Variants in PLD5 observed in about 807,000 individuals in gnomAD.
The protein encoded by PLD5 is inactive phospholipase D5.
PLD5 carries 36 observed loss-of-function variants against 61.1 expected under a neutral mutation model. The observed-to-expected ratio is 0.59, with a 90% CI of 0.45 to 0.78. The LOEUF is 0.78. PLD5 is among the 30% of genes least tolerant of loss of function. The pLI is 0.00. For missense variants in PLD5, 515 were observed against 644.4 expected (o/e 0.80, Z 2.17); for synonymous variants, 243 against 242.8 (o/e 1.00, Z -0.01).
At chr1:242,211,641 C>A (rs1669829409) in intron 5 of PLD5, among the ~76,000 whole-genome samples, 1 of 152,172 alleles carries the variant, frequency 6.6e-6, no homozygotes, top group South Asian at 2.1e-4. Flanking sequence ...ATCCGTCATG[C>A]AGCTGAGGTC....
intron 2 of PLD5, among the ~76,000 whole-genome samples, chr1:242,319,036 G>C (rs1399762207): frequency 6.6e-6 from 1 of 152,048 alleles, no homozygotes; most frequent in Admixed American, 6.6e-5. Flanking sequence ...GCAGAATTGG[G>C]GCAGGAGGGG....
At chr1:242,232,748 T>G (rs1276183447) in intron 4 of PLD5, among the ~76,000 whole-genome samples, 2 of 151,938 alleles carry the variant, frequency 1.3e-5, no homozygotes, top group Non-Finnish European at 2.9e-5. Flanking sequence ...GAAGCTGAGG[T>G]AGGAGACTTA....
Position 242,294,667 on chromosome 1 carries a change from C to T in PLD5, c.327-6137G>A, listed in dbSNP as rs540263569. Among the ~76,000 whole-genome samples the T allele has an allele frequency of 7.2e-5, 11 of 152,288 alleles. No individual in the cohort carries two copies. The East Asian group carries it at 2.1e-3, about 29-fold the overall frequency. The stretch of plus-strand genomic sequence containing the variant: ...ACTAACCTCTTTCAATCTGTTCCCA[C>T]TTCTGAGCAGAAAAAAGGTTATTAC... On this transcript the variant is annotated intron_variant, in intron 2 of 9. Transcript: ENST00000536534.
At chr1:242,464,378 C>T (rs904896203) in intron 1 of PLD5, among the ~76,000 whole-genome samples, 6 of 152,174 alleles carry the variant, frequency 3.9e-5, no homozygotes, top group South Asian at 2.1e-4. Flanking sequence ...CCAAACTCAA[C>T]GCTGATCATC....
intron 5 of PLD5, among the ~76,000 whole-genome samples, chr1:242,213,724 G>T (rs1010481772): frequency 6.6e-6 from 1 of 150,840 alleles, no homozygotes; most frequent in Non-Finnish European, 1.5e-5. Flanking sequence ...TGAGAAAATA[G>T]AACAAGCCAC....
At chr1:242,091,049 G>A (rs756397804) in intron 9 of PLD5, among the ~76,000 whole-genome samples, 8 of 151,976 alleles carry the variant, frequency 5.3e-5, no homozygotes, top group African/African-American at 1.5e-4. Context: ...CACTGTGCCC[G>A]ACATCTCTAT....
intron 1 of PLD5, among the ~76,000 whole-genome samples, chr1:242,427,655 C>T (rs976737044): frequency 6.6e-6 from 1 of 152,186 alleles, no homozygotes; most frequent in Non-Finnish European, 1.5e-5. Context: ...TCCTTTTTAA[C>T]GTATTTATTC....
At chr1:242,417,730 G>A (rs1382307526) in intron 1 of PLD5, among the ~76,000 whole-genome samples, 3 of 152,222 alleles carry the variant, frequency 2.0e-5, no homozygotes, top group Non-Finnish European at 2.9e-5. Context: ...AGGTCCTGCT[G>A]TGGGAATGTT....
chr1:242,372,855 G>A (rs186898961), intron 1 of PLD5, among the ~76,000 whole-genome samples: 14,130 of 152,100 alleles, frequency 0.093, 695 homozygotes, highest in African/African-American at 0.12. Flanking sequence ...AGAAAACCTA[G>A]GCAATACCAT....
In PLD5 at chr1:242,085,999, A is replaced by C. The variant is rs1235532458; in HGVS notation, c.*3855T>G. On this transcript the variant is annotated 3_prime_UTR_variant, in exon 10 of 10. Transcript: ENST00000536534. ...GAATTTAGTTCAATAAAAGTTCCTA[A>C]AAACAAACAGAATGAATCAGAGTCA... 6.6e-6 allele frequency: 1 copy of C among 152,238 alleles called. No individual in the cohort carries two copies. Among genetic ancestry groups the C allele is most frequent in the Non-Finnish European group, 1.5e-5 (1 of 68,054 alleles). 9.4% of individuals were successfully genotyped at this position (152,238 alleles called of 1,614,324 possible).
intron 4 of PLD5, among the ~76,000 whole-genome samples, chr1:242,226,388 G>T (rs569327512): frequency 6.6e-6 from 1 of 152,256 alleles, no homozygotes; most frequent in African/African-American, 2.4e-5. Flanking sequence ...TTTCGGCCCC[G>T]CAGTCTACTT....
At chr1:242,168,953 A>G (rs967492423) in intron 5 of PLD5, among the ~76,000 whole-genome samples, 4 of 149,920 alleles carry the variant, frequency 2.7e-5, no homozygotes, top group African/African-American at 9.8e-5. Context: ...GGGAGAAGAG[A>G]GAAGGCCCTA....
intron 5 of PLD5, among the ~76,000 whole-genome samples, chr1:242,197,612 C>T (rs760035143): frequency 4.0e-5 from 6 of 151,646 alleles, no homozygotes; most frequent in Non-Finnish European, 7.4e-5. Flanking sequence ...TGACTTTCCC[C>T]TGATCTGAAT....
chr1:242,139,414 C>T (rs2148784517), intron 5 of PLD5, among the ~76,000 whole-genome samples: 1 of 152,248 alleles, frequency 6.6e-6, no homozygotes, highest in South Asian at 2.1e-4. Context: ...GTGCATTTCA[C>T]ACCCCATGGC....
intron 9 of PLD5, among the ~76,000 whole-genome samples, chr1:242,099,690 C>T (rs1660538037): frequency 6.6e-6 from 1 of 152,128 alleles, no homozygotes; most frequent in Non-Finnish European, 1.5e-5. Flanking sequence ...GCTGCCCTCC[C>T]TATTGGTGAT....
intron 2 of PLD5, among the ~76,000 whole-genome samples, chr1:242,289,818 T>TAATTATA (rs1392610047): frequency 6.6e-6 from 1 of 152,132 alleles, no homozygotes; most frequent in East Asian, 1.9e-4. Flanking sequence ...ATTCAGCACT[T>TAATTATA]CTCAATAAAA....
At chr1:242,399,204 C>A (rs1464754149) in intron 1 of PLD5, among the ~76,000 whole-genome samples, 1 of 152,190 alleles carries the variant, frequency 6.6e-6, no homozygotes, top group African/African-American at 2.4e-5. Context: ...GTATTCTACA[C>A]ATAGTAGGGG....
At chr1:242,507,589 A>G (rs1668768226) in intron 1 of PLD5, among the ~76,000 whole-genome samples, 1 of 152,212 alleles carries the variant, frequency 6.6e-6, no homozygotes, top group Admixed American at 6.5e-5. Context: ...GGATAAATCA[A>G]TCGACCAAAT....
In PLD5 at chr1:242,256,543, G is replaced by A. The variant is rs1261044768; in HGVS notation, c.607+8794C>T. Among the ~76,000 whole-genome samples, 11 of 152,270 alleles carry A rather than the reference G, an allele frequency of 7.2e-5. No individual in the cohort carries two copies. The highest frequency in any genetic ancestry group is 2.1e-4 in the South Asian group (1 of 4,816). ...TGTGCCCTTCTGTCTTATCCGCCACGTGAGGACACAGCGTTTGTTCCCTCT... is the reference window on the plus strand; with the variant it reads ...TGTGCCCTTCTGTCTTATCCGCCACATGAGGACACAGCGTTTGTTCCCTCT... On this transcript the variant is annotated intron_variant, in intron 4 of 9. Transcript: ENST00000536534. This position sits in a 1 kb window ranked among gnomAD's most constrained non-coding sequence, Gnocchi z 5.7.
Sources: allele counts gnomAD v4.1 joint callset (sites outside exome capture counted in the v4.1 genomes callset), GRCh38; gene constraint gnomAD v4.1.1; non-coding constraint Gnocchi (gnomAD v3.1); transcripts MANE v1.5; gene names NCBI Gene and HGNC (gene_info 2026-07-23, HGNC 2026-07-21).